Variants in KCNIP4 observed in about 807,000 individuals in gnomAD.
KCNIP4 encodes the protein potassium voltage-gated channel interacting protein 4.
KCNIP4 carries 12 observed loss-of-function variants against 34.0 expected under a neutral mutation model. That is an observed-to-expected ratio of 0.35 (90% confidence interval 0.23 to 0.57). The LOEUF is 0.57. Among genes scored for constraint, KCNIP4 ranks in the 20% least tolerant of loss-of-function variants. KCNIP4 has a pLI of 0.83. For synonymous variants in KCNIP4, 124 were observed against 102.2 expected, an observed-to-expected ratio of 1.21 and a Z score of -1.29; for missense variants, 238 against 311.7, an observed-to-expected ratio of 0.76 and a Z score of 1.78.
chr4:21,241,130 T>A (rs1006793551), intron 1 of KCNIP4, among the ~76,000 whole-genome samples: 3 of 151,938 alleles, frequency 2.0e-5, no homozygotes, highest in African/African-American at 7.3e-5. Context: ...GATGGTAGAG[T>A]TTGGTAAAAA....
chr4:20,770,530 A>G (rs1026884784), intron 3 of KCNIP4, among the ~76,000 whole-genome samples: 2 of 152,224 alleles, frequency 1.3e-5, no homozygotes, highest in South Asian at 2.1e-4. Flanking sequence ...CAGTGTTTCA[A>G]TCAGAAAGAA....
chr4:21,237,421 C>T (rs1560202766), intron 1 of KCNIP4, among the ~76,000 whole-genome samples: 1 of 152,102 alleles, frequency 6.6e-6, no homozygotes, highest in South Asian at 2.1e-4. Context: ...TCTCCAGTCT[C>T]TTAGCGTAAA....
intron 1 of KCNIP4, among the ~76,000 whole-genome samples, chr4:21,744,237 C>G (rs1278327413): frequency 6.6e-6 from 1 of 152,188 alleles, no homozygotes; most frequent in Non-Finnish European, 1.5e-5. Context: ...CCTCTGCCTA[C>G]AACCCCTTGG....
intron 1 of KCNIP4, among the ~76,000 whole-genome samples, chr4:21,940,714 C>T (rs1158106533): frequency 1.3e-5 from 2 of 152,150 alleles, no homozygotes; most frequent in African/African-American, 4.8e-5. Flanking sequence ...AACTCAATGG[C>T]TACTTCATAT....
intron 1 of KCNIP4, among the ~76,000 whole-genome samples, chr4:21,402,077 A>G (rs753887617): frequency 6.6e-6 from 1 of 152,178 alleles, no homozygotes; most frequent in South Asian, 2.1e-4. Flanking sequence ...ATGCAGTTCA[A>G]CTTCTAAAAC....
At chr4:21,270,383 A>G (rs910450859) in intron 1 of KCNIP4, among the ~76,000 whole-genome samples, 11 of 140,690 alleles carry the variant, frequency 7.8e-5, no homozygotes, top group Non-Finnish European at 1.6e-4. Flanking sequence ...ATACACTCAG[A>G]CTCGAGGAGT....
intron 1 of KCNIP4, among the ~76,000 whole-genome samples, chr4:21,185,242 G>A (rs919748309): frequency 3.3e-5 from 5 of 151,900 alleles, no homozygotes; most frequent in Non-Finnish European, 5.9e-5. Flanking sequence ...TCTTAAGCAG[G>A]AATTAAAAAT....
chr4:21,295,049 T>C (rs530713375), intron 1 of KCNIP4, among the ~76,000 whole-genome samples: 1 of 152,308 alleles, frequency 6.6e-6, no homozygotes, highest in African/African-American at 2.4e-5. Context: ...TAAAGTCCTA[T>C]TAAGACAATT....
At chr4:21,816,066 C>T (rs1249673645) in intron 1 of KCNIP4, among the ~76,000 whole-genome samples, 1 of 152,126 alleles carries the variant, frequency 6.6e-6, no homozygotes, top group African/African-American at 2.4e-5. Context: ...AAAGCTGTTG[C>T]TTGTGACAAC....
chr4:21,735,145 A>T (rs1425686057), intron 1 of KCNIP4, among the ~76,000 whole-genome samples: 1 of 151,896 alleles, frequency 6.6e-6, no homozygotes, highest in Non-Finnish European at 1.5e-5. Flanking sequence ...ATGACTATAG[A>T]ATAATTGAAA....
intron 1 of KCNIP4, among the ~76,000 whole-genome samples, chr4:21,493,118 C>T (rs918324160): frequency 3.9e-5 from 6 of 152,124 alleles, no homozygotes; most frequent in African/African-American, 7.2e-5. Flanking sequence ...CTGGCTCTCT[C>T]TTGGGATATA....
intron 1 of KCNIP4, among the ~76,000 whole-genome samples, chr4:21,492,945 C>T (rs546444705): frequency 6.6e-5 from 10 of 152,162 alleles, no homozygotes; most frequent in Non-Finnish European, 1.3e-4. Flanking sequence ...CTCTTCTCTC[C>T]TTTTGCTTCT....
In KCNIP4 at chr4:21,020,243, A is replaced by T. The variant is rs1739919415; in HGVS notation, c.62-137534T>A. On this transcript the variant is annotated intron_variant, in intron 1 of 8. Coordinates refer to ENST00000382152, the MANE Select transcript of KCNIP4 (RefSeq NM_025221.6). ...CTCAAAAGAACATATTTTCTACCAT[A>T]TTATCTAAATTATCTGAGAAAGACA... 2.6e-5 allele frequency among the ~76,000 whole-genome samples: 4 copies of T among 152,202 alleles called. No homozygotes were observed. In the South Asian group the frequency reaches 8.3e-4, roughly 32 times the overall value.
chr4:21,636,172 G>T (rs1746137673), intron 1 of KCNIP4, among the ~76,000 whole-genome samples: 1 of 150,702 alleles, frequency 6.6e-6, no homozygotes, highest in South Asian at 2.1e-4. Flanking sequence ...ATAGCATTAG[G>T]TGATATACCT....
At chr4:21,823,956 C>T (rs564747071) in intron 1 of KCNIP4, among the ~76,000 whole-genome samples, 52 of 152,232 alleles carry the variant, frequency 3.4e-4, no homozygotes, top group African/African-American at 1.2e-3. Flanking sequence ...GGCCAGGTGA[C>T]ATATTTTTGC....
At chr4:21,773,469 T>C (rs1577969278) in intron 1 of KCNIP4, among the ~76,000 whole-genome samples, 3 of 152,106 alleles carry the variant, frequency 2.0e-5, no homozygotes, top group African/African-American at 7.2e-5. Flanking sequence ...CCTGAATATC[T>C]TTGTTAATTT....
At chr4:21,579,456 CTTAT>C (rs1241684911) in intron 1 of KCNIP4, among the ~76,000 whole-genome samples, 4 of 152,250 alleles carry the variant, frequency 2.6e-5, no homozygotes, top group South Asian at 4.1e-4. Context: ...TTGATTTAAT[CTTAT>C]TTATTTATAT....
At chr4:21,657,646 T>G (rs1748074229) in intron 1 of KCNIP4, among the ~76,000 whole-genome samples, 1 of 152,234 alleles carries the variant, frequency 6.6e-6, no homozygotes. Flanking sequence ...TCTGTTGGAC[T>G]TATCTGTAAA....
intron 1 of KCNIP4, among the ~76,000 whole-genome samples, chr4:21,838,786 C>G (rs1052671922): frequency 2.0e-5 from 3 of 152,120 alleles, no homozygotes; most frequent in African/African-American, 7.2e-5. Context: ...AAACAAAAAA[C>G]CACTTCTGTA....
Sources: allele counts gnomAD v4.1 joint callset (sites outside exome capture counted in the v4.1 genomes callset), GRCh38; gene constraint gnomAD v4.1.1; transcripts MANE v1.5; gene names NCBI Gene and HGNC (gene_info 2026-07-23, HGNC 2026-07-21).